TRPM3: variants seen among roughly 807,000 people sequenced by gnomAD.
The protein encoded by TRPM3 is transient receptor potential cation channel subfamily M member 3, also known as long transient receptor potential channel 3.
TRPM3 carries 77 observed loss-of-function variants against 181.2 expected under a neutral mutation model. The observed-to-expected ratio is 0.42, with a 90% CI of 0.35 to 0.51. The LOEUF (loss-of-function observed/expected upper bound fraction) is 0.51, where lower values mean the gene tolerates loss of function less well. Ranked by LOEUF, TRPM3 falls within the 20% of genes least tolerant of loss-of-function variation. The pLI is 0.01. For synonymous variants in TRPM3, 745 were observed against 796.4 expected, an observed-to-expected ratio of 0.94 and a Z score of 1.09; for missense variants, 1,759 against 2,196.7, an observed-to-expected ratio of 0.80 and a Z score of 3.98.
chr9:70,968,287 AC>A (rs147520470), intron 1 of TRPM3, among the ~76,000 whole-genome samples: 312 of 152,170 alleles, frequency 2.1e-3, no homozygotes, highest in African/African-American at 7.4e-3. Context: ...ATATGTCCCT[AC>A]AATGGGCAGG....
chr9:71,417,169 C>G (rs1405145529), intron 1 of TRPM3, among the ~76,000 whole-genome samples: 1 of 151,930 alleles, frequency 6.6e-6, no homozygotes, highest in East Asian at 1.9e-4. Context: ...ACTGGGATCA[C>G]AGGGCCAAAT....
At chr9:71,433,941 A>T (rs2093994363) in intron 1 of TRPM3, among the ~76,000 whole-genome samples, 1 of 152,130 alleles carries the variant, frequency 6.6e-6, no homozygotes, top group African/African-American at 2.4e-5. Flanking sequence ...AGATCACATG[A>T]GGTCAGGAGT....
In TRPM3 at chr9:71,096,590, A is replaced by ACACACACACACT. The variant is rs1452142664; in HGVS notation, c.177+24587_177+24588insAGTGTGTGTGTG. On this transcript the variant is annotated intron_variant, in intron 1 of 25. Coordinates refer to ENST00000677713, the MANE Select transcript of TRPM3 (RefSeq NM_001366145.2). ...CACACACACACACACACACACACAC[A>ACACACACACACT]CTCTCTCTCTCTCTCTCTCTCTCTC... Among the ~76,000 whole-genome samples, 21 of 90,040 alleles carry ACACACACACACT rather than the reference A, an allele frequency of 2.3e-4. No homozygotes were observed. The East Asian group carries it at 3.7e-3, about 16-fold the overall frequency. The allele number at this position is 90,040 out of a possible 152,430, so 59.1% of individuals were successfully genotyped here.
chr9:70,935,504 C>T (rs182215341), intron 1 of TRPM3, among the ~76,000 whole-genome samples: 31 of 152,308 alleles, frequency 2.0e-4, no homozygotes, highest in African/African-American at 6.3e-4. Flanking sequence ...AAACAGGAAG[C>T]TGGTCTCACA....
At chr9:71,179,968 C>T (rs781401009) in intron 1 of TRPM3, among the ~76,000 whole-genome samples, 9 of 151,502 alleles carry the variant, frequency 5.9e-5, no homozygotes, top group East Asian at 2.0e-4. Flanking sequence ...GTTGAAACTA[C>T]CATGTTGGAA....
intron 1 of TRPM3, among the ~76,000 whole-genome samples, chr9:71,092,128 T>C (rs2066327785): frequency 6.6e-6 from 1 of 152,170 alleles, no homozygotes; most frequent in Non-Finnish European, 1.5e-5. Context: ...CTGACAGAGA[T>C]ACTTAATAAG....
chr9:70,671,420 A>T (rs2062896656), intron 9 of TRPM3, among the ~76,000 whole-genome samples: 1 of 152,160 alleles, frequency 6.6e-6, no homozygotes, highest in Non-Finnish European at 1.5e-5. Flanking sequence ...TTTTTAAAAT[A>T]AGGAATAGGC....
intron 1 of TRPM3, among the ~76,000 whole-genome samples, chr9:70,914,696 G>A (rs2133194479): frequency 6.6e-6 from 1 of 152,318 alleles, no homozygotes; most frequent in South Asian, 2.1e-4. Context: ...CCTAGTGCTG[G>A]TGGTCACAGG....
At chr9:71,385,541 T>A (rs912409360) in intron 1 of TRPM3, among the ~76,000 whole-genome samples, 2 of 152,158 alleles carry the variant, frequency 1.3e-5, no homozygotes, top group African/African-American at 4.8e-5. Flanking sequence ...ACTTCCAATA[T>A]GGCTTATTTC....
chr9:70,531,841 C>T lies in TRPM3; in HGVS notation c.*4112G>A, dbSNP rs187250044. The T allele has an allele frequency of 5.0e-4, 76 of 152,244 alleles. No individual in the cohort carries two copies. The highest frequency in any genetic ancestry group is 1.8e-3 in the African/African-American group (75 of 41,544). The allele number at this position is 152,244 out of a possible 1,614,324, so 9.4% of individuals were successfully genotyped here. On this transcript the variant is annotated 3_prime_UTR_variant, in exon 26 of 26. Transcript: ENST00000677713. ...GGACTCATTAGAGGATATACATCAG[C>T]TTACACACATATTTTACAGTGGTCC...
intron 1 of TRPM3, among the ~76,000 whole-genome samples, chr9:71,435,233 A>G (rs565470927): frequency 6.6e-6 from 1 of 152,298 alleles, no homozygotes; most frequent in East Asian, 1.9e-4. Context: ...TTATAATGTG[A>G]ATAATATATA....
At chr9:71,430,748 T>C (rs1480096069) in intron 1 of TRPM3, among the ~76,000 whole-genome samples, 1 of 151,878 alleles carries the variant, frequency 6.6e-6, no homozygotes, top group Non-Finnish European at 1.5e-5. Flanking sequence ...GAGGCGGAGG[T>C]TGCAGTGAGC....
chr9:70,851,233 T>C (rs756929986), intron 3 of TRPM3, among the ~76,000 whole-genome samples: 5 of 152,208 alleles, frequency 3.3e-5, no homozygotes, highest in Non-Finnish European at 5.9e-5. Flanking sequence ...ATATTTATTG[T>C]GCACCAGGCA....
intron 1 of TRPM3, among the ~76,000 whole-genome samples, chr9:71,204,529 G>T (rs531285676): frequency 4.6e-5 from 7 of 152,262 alleles, no homozygotes; most frequent in South Asian, 2.1e-4. Context: ...TCTCACACCA[G>T]TTAGAATGGT....
At chr9:70,864,538 A>AAAAAAAAAAAAAAAAAAAAAAAG (rs375135324) in intron 1 of TRPM3, 27 bp from the exon 2 acceptor site, 6 of 1,433,876 alleles carry the variant, frequency 4.2e-6, no homozygotes, top group South Asian at 1.5e-5. Flanking sequence ...AAAAAAAAAA[A>AAAAAAAAAAAAAAAAAAAAAAAG]AAAGAAAAAA....
intron 1 of TRPM3, among the ~76,000 whole-genome samples, chr9:70,894,503 G>T (rs751730252): frequency 1.6e-4 from 25 of 152,158 alleles, no homozygotes; most frequent in Middle Eastern, 3.4e-3. Context: ...CAAAGGCCAG[G>T]GATATTTCTA....
At chr9:71,194,221 T>C (rs888493510) in intron 1 of TRPM3, among the ~76,000 whole-genome samples, 4 of 151,866 alleles carry the variant, frequency 2.6e-5, no homozygotes, top group Non-Finnish European at 5.9e-5. Context: ...TTCTAATAGT[T>C]TAGGGTTTCT....
chr9:70,563,898 T>C (rs1213048820), intron 22 of TRPM3, among the ~76,000 whole-genome samples: 1 of 152,238 alleles, frequency 6.6e-6, no homozygotes, highest in East Asian at 1.9e-4. Context: ...CTCTGCTTCC[T>C]GTCTTTGAAT....
intron 8 of TRPM3, among the ~76,000 whole-genome samples, chr9:70,758,773 G>A (rs548378238): frequency 6.6e-6 from 1 of 152,326 alleles, no homozygotes; most frequent in Non-Finnish European, 1.5e-5. Context: ...AAACTGGATA[G>A]CCATATGCAG....
Sources: gnomAD v4.1 joint callset for allele counts (sites outside exome capture counted in the v4.1 genomes callset) on GRCh38, gnomAD v4.1.1 for gene constraint, MANE v1.5 for transcripts, NCBI Gene and HGNC (gene_info 2026-07-23, HGNC 2026-07-21) for gene names.